Variants in NOSTRIN observed in about 807,000 individuals in gnomAD.
The protein encoded by NOSTRIN is nitric oxide synthase trafficking, also known as BM247 homolog.
In NOSTRIN, 63 loss-of-function variants were observed where a neutral mutation model predicts 59.0. That is an observed-to-expected ratio of 1.07 (90% CI 0.87 to 1.32). NOSTRIN has a LOEUF of 1.32. NOSTRIN is among the 40% of genes most tolerant of loss of function. The pLI, the probability that NOSTRIN is intolerant of heterozygous loss-of-function variation, is 0.00. For synonymous variants in NOSTRIN, 200 were observed against 165.4 expected (o/e 1.21, Z -1.61); for missense variants, 512 against 473.1 (o/e 1.08, Z -0.76).
intron 2 of NOSTRIN, among the ~76,000 whole-genome samples, chr2:168,788,472 G>A (rs1420727155): frequency 3.9e-5 from 6 of 152,078 alleles, no homozygotes; most frequent in East Asian, 1.9e-4. Flanking sequence ...TGGCAGAATC[G>A]TAGCCCAAGG....
upstream of NOSTRIN, among the ~76,000 whole-genome samples, chr2:168,797,079 C>CTTTTCTTTTTTTTTTTTTTTTTTT (rs1553519713): frequency 3.3e-4 from 25 of 75,036 alleles, no homozygotes; most frequent in East Asian, 9.8e-4. Flanking sequence ...TTTCTTTTTT[C>CTTTTCTTTTTTTTTTTTTTTTTTT]TTTTTTTTTT....
At chr2:168,793,566 G>A (rs190939428), upstream of NOSTRIN, among the ~76,000 whole-genome samples, 477 of 152,286 alleles carry the variant, frequency 3.1e-3, 1 homozygote, top group African/African-American at 0.011. Flanking sequence ...AGCCAAGATC[G>A]TGTCACTGCA....
chr2:168,848,855 T>G lies in NOSTRIN; in HGVS notation c.631-2229T>G, dbSNP rs537445975. 1.1e-4 allele frequency among the ~76,000 whole-genome samples: 17 copies of G among 152,308 alleles called. No individual in the cohort carries two copies. The East Asian group carries it at 2.9e-3, about 26-fold the overall frequency. On this transcript the variant is annotated intron_variant, in intron 8 of 15. Transcript: ENST00000317647. ...TGCAAGATGAAAAAAGTTTTAGAGA[T>G]GAATTATGGTGGTGTTTGCATAATA... is the stretch of plus-strand genomic sequence containing the variant.
intron 15 of NOSTRIN, chr2:168,863,559 A>C: frequency 1.0e-6 from 1 of 985,234 alleles, no homozygotes; most frequent in South Asian, 4.7e-5. Context: ...TCTTTATTTG[A>C]ATCATTGCTT....
intron 3 of NOSTRIN, 69 bp from the exon 4 acceptor site, chr2:168,828,089 C>A: frequency 1.2e-6 from 1 of 852,200 alleles, no homozygotes; most frequent in Non-Finnish European, 2.1e-6. Context: ...TGCTGTATTT[C>A]TAGCCAGCAC....
intron 8 of NOSTRIN, chr2:168,850,844 C>A: frequency 1.3e-6 from 1 of 792,950 alleles, no homozygotes; most frequent in East Asian, 2.7e-5. Context: ...AGGTAACCCA[C>A]AGCATCTGCC....
upstream of NOSTRIN, among the ~76,000 whole-genome samples, chr2:168,795,312 T>C (rs1282505581): frequency 6.6e-6 from 1 of 152,214 alleles, no homozygotes; most frequent in Non-Finnish European, 1.5e-5. Flanking sequence ...ATGAGCTTAA[T>C]GGAAGTAATG....
intron 14 of NOSTRIN, among the ~76,000 whole-genome samples, chr2:168,861,684 A>T (rs576739876): frequency 6.6e-6 from 1 of 152,332 alleles, no homozygotes; most frequent in South Asian, 2.1e-4. Context: ...TGCAATTACT[A>T]TTATTATACA....
At chr2:168,833,432 A>C (rs1477583515) in intron 6 of NOSTRIN, among the ~76,000 whole-genome samples, 2 of 152,218 alleles carry the variant, frequency 1.3e-5, no homozygotes, top group Non-Finnish European at 2.9e-5. Flanking sequence ...CCTCTCCTTT[A>C]CTATCTGGTT....
intron 2 of NOSTRIN, among the ~76,000 whole-genome samples, chr2:168,812,262 G>T (rs1031421665): frequency 6.6e-6 from 1 of 152,086 alleles, no homozygotes; most frequent in Non-Finnish European, 1.5e-5. Context: ...GACCTTTTAG[G>T]CCTTTTCCCT....
intron 7 of NOSTRIN, 67 bp downstream of exon 7, chr2:168,834,392 G>A (rs892747993): frequency 6.4e-6 from 5 of 781,336 alleles, no homozygotes; most frequent in Admixed American, 3.7e-5. Context: ...CCTTAGCTAC[G>A]AACACAAGAG....
At chr2:168,802,808 A>G (rs1027428008) in intron 1 of NOSTRIN, 135 bp downstream of exon 1, 2 of 739,202 alleles carry the variant, frequency 2.7e-6, no homozygotes, top group Non-Finnish European at 4.8e-6. Context: ...TGTGGTGCAA[A>G]AGTTTGTGGT....
intron 7 of NOSTRIN, among the ~76,000 whole-genome samples, chr2:168,840,446 C>T (rs528378763): frequency 8.8e-4 from 126 of 143,974 alleles, no homozygotes; most frequent in Non-Finnish European, 2.8e-4. Flanking sequence ...AGGAGAATGG[C>T]GTGAACCCCG....
chr2:168,801,632 G>A (rs910221709), upstream of NOSTRIN, among the ~76,000 whole-genome samples: 10 of 152,138 alleles, frequency 6.6e-5, no homozygotes, highest in Non-Finnish European at 1.0e-4. Context: ...GTGTTCCACT[G>A]GACTGTGTTG....
At chr2:168,840,545 AAAAAAAC>A (rs1688028626) in intron 7 of NOSTRIN, among the ~76,000 whole-genome samples, 1 of 150,626 alleles carries the variant, frequency 6.6e-6, no homozygotes, top group African/African-American at 2.5e-5. Flanking sequence ...AAAAAAAAAA[AAAAAAAC>A]AAAAAAACAG....
At chr2:168,790,104 A>G (rs1685309834) in intron 2 of NOSTRIN, among the ~76,000 whole-genome samples, 2 of 152,230 alleles carry the variant, frequency 1.3e-5, no homozygotes, top group Admixed American at 1.3e-4. Context: ...GCTTTCTCCA[A>G]AGACATCGCT....
rs754642185 is a variant in NOSTRIN, at chr2:168,865,159, G to T, written c.*189G>T. 1.3e-4 allele frequency: 83 copies of T among 632,466 alleles called. No individual in the cohort carries two copies. Among genetic ancestry groups the T allele is most frequent in the Non-Finnish European group, 2.1e-4 (80 of 379,224 alleles). The allele number at this position is 632,466 out of a possible 1,614,324, so 39.2% of individuals were successfully genotyped here. On this transcript the variant is annotated 3_prime_UTR_variant, in exon 16 of 16. Transcript: ENST00000317647. ...GTCAGAAAAAAGATGGATGGGTGGA[G>T]ACAGACAAGGAAGAGGCTCCTTGGT...
chr2:168,832,441 G>A (rs181094322), intron 6 of NOSTRIN, among the ~76,000 whole-genome samples: 5 of 152,262 alleles, frequency 3.3e-5, no homozygotes, highest in African/African-American at 1.2e-4. Context: ...TTCTCTAAGT[G>A]TTGAAATCCT....
At chr2:168,849,114 G>A (rs1204779047) in intron 8 of NOSTRIN, among the ~76,000 whole-genome samples, 1 of 152,144 alleles carries the variant, frequency 6.6e-6, no homozygotes. Context: ...AGTGATCTTT[G>A]TGACTCTCCA....
Sources: allele counts gnomAD v4.1 joint callset (sites outside exome capture counted in the v4.1 genomes callset), GRCh38; gene constraint gnomAD v4.1.1; transcripts MANE v1.5; gene names NCBI Gene and HGNC (gene_info 2026-07-23, HGNC 2026-07-21).